SLC12A2: variants seen among roughly 807,000 people sequenced by gnomAD.
SLC12A2 encodes Na-K-2Cl cotransporter 1.
Under a neutral mutation model 136.3 loss-of-function variants are expected in SLC12A2, and 67 were observed. That is an observed-to-expected ratio of 0.49 (90% confidence interval 0.40 to 0.60). The LOEUF (loss-of-function observed/expected upper bound fraction) is 0.60. Ranked by LOEUF, SLC12A2 falls within the 20% of genes least tolerant of loss-of-function variation. SLC12A2 has a pLI of 0.00. For missense variants in SLC12A2, 1,322 were observed against 1,534.7 expected (o/e 0.86, Z 2.32); for synonymous variants, 619 against 562.9 (o/e 1.10, Z -1.41).
intron 10 of SLC12A2, among the ~76,000 whole-genome samples, chr5:128,142,546 TAG>T (rs1762405574): frequency 6.6e-6 from 1 of 151,976 alleles, no homozygotes; most frequent in Non-Finnish European, 1.5e-5. Flanking sequence ...ATATATATAT[TAG>T]TGTGTGTGTT....
intron 22 of SLC12A2, among the ~76,000 whole-genome samples, chr5:128,180,061 C>G (rs1309993383): frequency 6.8e-6 from 1 of 146,726 alleles, no homozygotes; most frequent in African/African-American, 2.5e-5. Context: ...GCTCCGCCTC[C>G]CGGGTTCACA....
chr5:128,169,465 A>G (rs1049928290), intron 18 of SLC12A2: 3 of 152,196 alleles, frequency 2.0e-5, no homozygotes, highest in African/African-American at 7.2e-5. Context: ...TACTTTTTAA[A>G]GGATCTCTTT....
chr5:128,137,938 C>CT (rs775118655), intron 7 of SLC12A2, among the ~76,000 whole-genome samples: 311 of 141,770 alleles, frequency 2.2e-3, no homozygotes, highest in African/African-American at 2.5e-3. Context: ...TTTTGTTTTC[C>CT]TTTTTTTTTT....
At position 128,187,436 on chromosome 5, in the gene SLC12A2, T is replaced by C. The variant is rs950497644; in HGVS notation, c.*805T>C. On this transcript the variant is annotated 3_prime_UTR_variant, in exon 27 of 27. Transcript: ENST00000262461. The stretch of plus-strand genomic sequence containing the variant: ...CTTTAAACAAAAATACTCAAGATCA[T>C]TTATATTTATTTGGAGAGAAAACTG... 1 of 152,062 alleles carries C rather than the reference T, an allele frequency of 6.6e-6. No homozygotes were observed. The highest frequency in any genetic ancestry group is 1.5e-5 in the Non-Finnish European group (1 of 67,976). 9.4% of individuals were successfully genotyped at this position (152,062 alleles called of 1,614,324 possible). A position where few individuals can be genotyped will look rare whatever the true frequency, so the allele number is the denominator to read the frequency against.
chr5:128,095,892 A>G (rs1561653633), intron 1 of SLC12A2, among the ~76,000 whole-genome samples: 1 of 152,134 alleles, frequency 6.6e-6, no homozygotes, highest in Non-Finnish European at 1.5e-5. Context: ...TGATTACCAT[A>G]TTGAGAGTAC....
rs1763962699 is a variant in SLC12A2, at chr5:128,189,070, C to T, written c.*2439C>T. ...CATAATGTGGGGTGGGTAATACTGT[C>T]TGTGAAATAATGTAAGAAGCTTTTC... On this transcript the variant is annotated 3_prime_UTR_variant, in exon 27 of 27. Coordinates refer to ENST00000262461, the MANE Select transcript of SLC12A2 (RefSeq NM_001046.3). 1 of 152,196 alleles carries T rather than the reference C, an allele frequency of 6.6e-6. No individual in the cohort carries two copies. 9.4% of individuals were successfully genotyped at this position (152,196 alleles called of 1,614,324 possible).
intron 10 of SLC12A2, among the ~76,000 whole-genome samples, chr5:128,143,316 C>T (rs549169301): frequency 1.1e-4 from 16 of 152,040 alleles, no homozygotes; most frequent in Non-Finnish European, 1.8e-4. Flanking sequence ...AGTAGTGTTA[C>T]TTTATTAGAT....
At position 128,151,406 on chromosome 5, in the gene SLC12A2, C is replaced by G; in HGVS notation, c.2263+10C>G. The G allele has an allele frequency of 6.2e-7, 1 of 1,602,858 alleles. No homozygotes were observed. Among genetic ancestry groups the G allele is most frequent in the South Asian group, 1.1e-5 (1 of 88,086 alleles). On this transcript the variant is annotated intron_variant, in intron 14 of 26. Transcript: ENST00000262461. ...ACCTACAAAAAACCAGGTCAGTAGC[C>G]TTTTTTGTTTATATCCCAAGCTAGA...
chr5:128,147,780 C>T, intron 11 of SLC12A2, 51 bp downstream of exon 11: 1 of 1,093,924 alleles, frequency 9.1e-7, no homozygotes, highest in Non-Finnish European at 1.4e-6. Context: ...TAAAGTAATA[C>T]TTCTCAATTT....
At chr5:128,088,005 C>CTGTGTGTGTGTGTGTGTGTG (rs1561648714) in intron 1 of SLC12A2, among the ~76,000 whole-genome samples, 1 of 44,138 alleles carries the variant, frequency 2.3e-5, no homozygotes, top group Non-Finnish European at 5.1e-5. Flanking sequence ...GTGGAGGAGG[C>CTGTGTGTGTGTGTGTGTGTG]TCTGTGTGTG....
At position 128,114,697 on chromosome 5, in the gene SLC12A2, T is replaced by C; in HGVS notation, c.1048+16T>C. The C allele has an allele frequency of 1.4e-6, 2 of 1,425,942 alleles. No homozygotes were observed. Among genetic ancestry groups the C allele is most frequent in the Non-Finnish European group, 2.0e-6 (2 of 1,009,320 alleles). 88.3% of individuals were successfully genotyped at this position (1,425,942 alleles called of 1,614,324 possible). A position where few individuals can be genotyped will look rare whatever the true frequency, so the allele number is the denominator to read the frequency against. On this transcript the variant is annotated intron_variant, in intron 4 of 26. Coordinates refer to ENST00000262461, the MANE Select transcript of SLC12A2 (RefSeq NM_001046.3). ...GTAAGAGGAGGTAAGTAGAATCTTT[T>C]TGAATCATCATCATCAGATTACTCT...
chr5:128,153,211 A>G (rs1762759925), intron 15 of SLC12A2, among the ~76,000 whole-genome samples: 1 of 152,236 alleles, frequency 6.6e-6, no homozygotes. Context: ...CAGTGCTTAT[A>G]CTAAAGAGCA....
chr5:128,084,042 G>C lies in SLC12A2; in HGVS notation c.88G>C (p.Ala30Pro). The change falls in exon 1 of 27, where the codon GCC (alanine) becomes CCC (proline). Residue 30 changes from alanine to proline, a missense_variant. Physicochemically the swap from Ala to Pro is conservative, Grantham distance 27. Coordinates refer to ENST00000262461, the MANE Select transcript of SLC12A2 (RefSeq NM_001046.3). The surrounding 1 kb of genome is among the most constrained non-coding windows in gnomAD (Gnocchi z 5.6). Reference protein sequence around the residue: ...ETPSAAALAAARVELPGTAVP... With the variant: ...ETPSAAALAAPRVELPGTAVP... ...GCCGTCAGCCGCTGCGCTGGCCGCA[G>C]CCAGGGTGGAACTGCCCGGCACGGC... is the stretch of plus-strand genomic sequence containing the variant. 2 of 1,276,060 alleles carry C rather than the reference G, an allele frequency of 1.6e-6. No individual in the cohort carries two copies. Among genetic ancestry groups the C allele is most frequent in the Non-Finnish European group, 2.0e-6 (2 of 1,014,064 alleles). 79.0% of individuals were successfully genotyped at this position (1,276,060 alleles called of 1,614,324 possible). A position where few individuals can be genotyped will look rare whatever the true frequency, so the allele number is the denominator to read the frequency against.
intron 13 of SLC12A2, 111 bp downstream of exon 13, chr5:128,150,209 C>G: frequency 1.5e-6 from 1 of 672,182 alleles, no homozygotes; most frequent in Non-Finnish European, 2.6e-6. Context: ...TCATTAATGC[C>G]AAGTCTGTCT....
At chr5:128,153,009 CTT>C (rs1438121476) in intron 15 of SLC12A2, among the ~76,000 whole-genome samples, 1 of 152,132 alleles carries the variant, frequency 6.6e-6, no homozygotes, top group East Asian at 1.9e-4. Flanking sequence ...CACTTGAAGA[CTT>C]TTAAATGATG....
intron 1 of SLC12A2, among the ~76,000 whole-genome samples, chr5:128,085,452 C>T (rs757501540): frequency 1.3e-5 from 2 of 152,290 alleles, no homozygotes; most frequent in East Asian, 3.9e-4. Flanking sequence ...TTGCCATAAG[C>T]AGTTACACTT....
chr5:128,175,347 GTA>G (rs754341514), intron 20 of SLC12A2, among the ~76,000 whole-genome samples: 13 of 151,936 alleles, frequency 8.6e-5, no homozygotes, highest in Non-Finnish European at 1.5e-4. Flanking sequence ...TTGGCTTAGA[GTA>G]TTAGTAAAGT....
intron 1 of SLC12A2, among the ~76,000 whole-genome samples, chr5:128,086,033 T>C (rs898298783): frequency 6.6e-6 from 1 of 152,218 alleles, no homozygotes; most frequent in Non-Finnish European, 1.5e-5. Flanking sequence ...AAAATCATTG[T>C]AGACAAAAGT....
chr5:128,097,786 A>G (rs1311804102), intron 1 of SLC12A2, among the ~76,000 whole-genome samples: 5 of 152,104 alleles, frequency 3.3e-5, no homozygotes, highest in Non-Finnish European at 7.4e-5. Flanking sequence ...AAAAATATGT[A>G]TGGTTTTTAA....
Sources: gnomAD v4.1 joint callset for allele counts (sites outside exome capture counted in the v4.1 genomes callset) on GRCh38, gnomAD v4.1.1 for gene constraint, Gnocchi (gnomAD v3.1) non-coding constraint, MANE v1.5 for transcripts, NCBI Gene and HGNC (gene_info 2026-07-23, HGNC 2026-07-21) for gene names.